Variants in ODAD4 observed in about 807,000 individuals in gnomAD.
ODAD4 encodes the protein outer dynein arm-docking complex subunit 4.
ODAD4 carries 49 observed loss-of-function variants against 51.8 expected under a neutral mutation model. That is an observed-to-expected ratio of 0.95 (90% CI 0.75 to 1.20). The LOEUF (loss-of-function observed/expected upper bound fraction) is 1.20. ODAD4 is among the 50% of genes most tolerant of loss of function. The pLI, the probability that ODAD4 is intolerant of heterozygous loss-of-function variation, is 0.00. For synonymous variants in ODAD4, 235 were observed against 221.3 expected (o/e 1.06, Z -0.55); for missense variants, 590 against 586.5 (o/e 1.01, Z -0.06).
In ODAD4 at chr17:41,938,954, T is replaced by C. The variant is rs918502526; in HGVS notation, c.851-11T>C. 36 of 1,605,680 alleles carry C rather than the reference T, an allele frequency of 2.2e-5. No individual in the cohort carries two copies. The highest frequency in any genetic ancestry group is 2.9e-5 in the Non-Finnish European group (34 of 1,175,992). On this transcript the variant is annotated splice_polypyrimidine_tract_variant and intron_variant, in intron 6 of 11. Transcript: ENST00000377540. ...TGCCCTGGCCTCCACAGCACCCCTT[T>C]CCTTTCTCAGTGCTCACAAGTGGCA...
At chr17:41,964,214 C>T (rs1555642155) in intron 11 of ODAD4, among the ~76,000 whole-genome samples, 1 of 152,054 alleles carries the variant, frequency 6.6e-6, no homozygotes, top group Admixed American at 6.5e-5. Flanking sequence ...GCGCCTGCCA[C>T]CATGCCCAGC....
intron 8 of ODAD4, among the ~76,000 whole-genome samples, chr17:41,946,272 A>G (rs1327865414): frequency 6.6e-6 from 1 of 152,188 alleles, no homozygotes; most frequent in Admixed American, 6.5e-5. Context: ...ACAGGTGTGG[A>G]CCATCAGGAA....
chr17:41,943,288 T>C lies in ODAD4; in HGVS notation c.1059-1848T>C, dbSNP rs59785470. 8.2e-3 allele frequency among the ~76,000 whole-genome samples: 1,246 copies of C among 152,308 alleles called. 21 individuals are homozygous for C. Among genetic ancestry groups the C allele is most frequent in the African/African-American group, 0.028 (1,178 of 41,552 alleles). ...AAAAAGAATATGTCTTCCTCTCAAA[T>C]ATAACCACAGGCCAAGCACAGTGGC... On this transcript the variant is annotated intron_variant, in intron 7 of 11. Coordinates refer to ENST00000377540, the MANE Select transcript of ODAD4 (RefSeq NM_031421.5).
chr17:41,935,945 A>G (rs781786652), intron 3 of ODAD4, among the ~76,000 whole-genome samples, 196 bp downstream of exon 3: 4 of 152,246 alleles, frequency 2.6e-5, no homozygotes, highest in Non-Finnish European at 5.9e-5. Flanking sequence ...TGGGAGGACC[A>G]TTCCCTGATG....
At chr17:41,958,487 C>T (rs1482299477) in intron 10 of ODAD4, among the ~76,000 whole-genome samples, 3 of 151,312 alleles carry the variant, frequency 2.0e-5, no homozygotes, top group Non-Finnish European at 2.9e-5. Flanking sequence ...ATGGTGAAAC[C>T]CCATCTCTAT....
rs1555638306 is a variant in ODAD4, at chr17:41,938,950, C to T, written c.851-15C>T. On this transcript the variant is annotated splice_polypyrimidine_tract_variant and intron_variant, in intron 6 of 11. Transcript: ENST00000377540. ...AGGCTGCCCTGGCCTCCACAGCACC[C>T]CTTTCCTTTCTCAGTGCTCACAAGT... 1.2e-6 allele frequency: 2 copies of T among 1,604,696 alleles called. No individual in the cohort carries two copies. The highest frequency in any genetic ancestry group is 3.5e-5 in the Admixed American group (2 of 57,738).
At position 41,955,083 on chromosome 17, in the gene ODAD4, T is replaced by G. The variant is rs782041221; in HGVS notation, c.1343-134T>G. 9.8e-6 allele frequency: 7 copies of G among 715,818 alleles called. No individual in the cohort carries two copies. The South Asian group carries it at 1.0e-4, about 10-fold the overall frequency. The allele number at this position is 715,818 out of a possible 1,614,324, so 44.3% of individuals were successfully genotyped here. A position where few individuals can be genotyped will look rare whatever the true frequency, so the allele number is the denominator to read the frequency against. ...GCTGAGCAGCTCAGTGATGCTTCCC[T>G]GGGGCCTGGGTCCGACTACAGCTCA... On this transcript the variant is annotated intron_variant, in intron 9 of 11. Transcript: ENST00000377540.
intron 7 of ODAD4, among the ~76,000 whole-genome samples, chr17:41,944,391 T>TACACACACACAC (rs1158342629): frequency 9.0e-4 from 71 of 78,704 alleles, no homozygotes; most frequent in African/African-American, 1.5e-3. Context: ...CAAACACACA[T>TACACACACACAC]ACACACACAC....
At chr17:41,939,951 A>C (rs2144500382) in intron 7 of ODAD4, among the ~76,000 whole-genome samples, 2 of 152,288 alleles carry the variant, frequency 1.3e-5, no homozygotes, top group African/African-American at 4.8e-5. Context: ...AGGGAGGATG[A>C]AATACAGAAG....
intron 5 of ODAD4, 25 bp from the exon 6 acceptor site, chr17:41,938,532 G>A (rs782756874): frequency 1.1e-5 from 17 of 1,600,718 alleles, no homozygotes; most frequent in East Asian, 4.5e-5. Flanking sequence ...TCTCCTTGGC[G>A]CCTCCTCACA....
intron 8 of ODAD4, among the ~76,000 whole-genome samples, chr17:41,948,332 T>TC (rs1175508853): frequency 6.6e-6 from 1 of 150,998 alleles, no homozygotes; most frequent in Non-Finnish European, 1.5e-5. Context: ...TTTTTTTTTT[T>TC]TTGAGACAGG....
chr17:41,937,476 G>A (rs2050444601), intron 5 of ODAD4, among the ~76,000 whole-genome samples: 1 of 152,156 alleles, frequency 6.6e-6, no homozygotes, highest in African/African-American at 2.4e-5. Flanking sequence ...CCAGTCCAGT[G>A]CTCTTTCTTT....
chr17:41,954,900 C>A, intron 9 of ODAD4: 1 of 300,512 alleles, frequency 3.3e-6, no homozygotes, highest in Non-Finnish European at 6.5e-6. Flanking sequence ...AAAGATGGAG[C>A]AGGATGCGGT....
chr17:41,936,436 G>T (rs781803524), intron 3 of ODAD4, 37 bp from the exon 4 acceptor site: 3 of 1,524,412 alleles, frequency 2.0e-6, no homozygotes, highest in South Asian at 1.1e-5. Context: ...TGCCTGGGGG[G>T]TCTGGCCGAC....
chr17:41,939,290 G>A, intron 7 of ODAD4, 118 bp downstream of exon 7: 1 of 1,013,122 alleles, frequency 9.9e-7, no homozygotes, highest in Non-Finnish European at 1.4e-6. Flanking sequence ...CTGCATGCCT[G>A]AGGTAGATTC....
intron 9 of ODAD4, chr17:41,952,808 G>A (rs1445538989): frequency 6.1e-6 from 2 of 326,682 alleles, no homozygotes; most frequent in Admixed American, 6.5e-5. Context: ...CTGCATTCAT[G>A]GCTCACTGCA....
chr17:41,948,132 A>C (rs1489503043), intron 8 of ODAD4, among the ~76,000 whole-genome samples: 2 of 151,906 alleles, frequency 1.3e-5, no homozygotes, highest in African/African-American at 4.8e-5. Flanking sequence ...AAAATAAATA[A>C]ATAAAAATAA....
At chr17:41,939,294 T>G in intron 7 of ODAD4, 122 bp downstream of exon 7, 1 of 979,416 alleles carries the variant, frequency 1.0e-6, no homozygotes, top group Non-Finnish European at 1.5e-6. Context: ...ATGCCTGAGG[T>G]AGATTCTCCT....
In ODAD4 at chr17:41,965,338, G is replaced by T. The variant is rs868979858; in HGVS notation, c.1874G>T (p.Gly625Val). Reference sequence around the variant, plus strand: ...GGAGAATTAGAGCAAAGACTCTCAGGAGAATTCAGCAGACAGGAACCAGAA... The same window carrying T: ...GGAGAATTAGAGCAAAGACTCTCAGTAGAATTCAGCAGACAGGAACCAGAA... ...PSGELEQRLS[G>V]EFSRQEPEEL... The change falls in exon 12 of 12, where the codon GGA (glycine) becomes GTA (valine). Residue 625 changes from glycine (G) to valine (V), a missense_variant. Gly to Val is a moderately radical substitution (Grantham distance 109, BLOSUM62 -3). Coordinates refer to ENST00000377540, the MANE Select transcript of ODAD4 (RefSeq NM_031421.5). The T allele has an allele frequency of 1.3e-6, 1 of 780,726 alleles. No individual in the cohort carries two copies. Among genetic ancestry groups the T allele is most frequent in the Non-Finnish European group, 2.4e-6 (1 of 417,982 alleles). 48.4% of individuals were successfully genotyped at this position (780,726 alleles called of 1,614,324 possible). A position where few individuals can be genotyped will look rare whatever the true frequency, so the allele number is the denominator to read the frequency against.
Sources: allele counts gnomAD v4.1 joint callset (sites outside exome capture counted in the v4.1 genomes callset), GRCh38; gene constraint gnomAD v4.1.1; transcripts MANE v1.5; gene names NCBI Gene and HGNC (gene_info 2026-07-23, HGNC 2026-07-21).